Variants in XKR4 observed in about 807,000 individuals in gnomAD.
The protein encoded by XKR4 is XK related 4.
Under a neutral mutation model 53.9 loss-of-function variants are expected in XKR4, and 12 were observed. The ratio of observed to expected loss-of-function variants is 0.22; its 90% CI spans 0.14 to 0.36. The LOEUF (loss-of-function observed/expected upper bound fraction) is 0.36. Among genes scored for constraint, XKR4 ranks in the 10% least tolerant of loss-of-function variants. The pLI is 1.00. For synonymous variants in XKR4, 354 were observed against 362.4 expected, an observed-to-expected ratio of 0.98 and a Z score of 0.26; for missense variants, 799 against 859.5, an observed-to-expected ratio of 0.93 and a Z score of 0.88.
chr8:55,538,516 T>G lies in XKR4; in HGVS notation c.*14289T>G, dbSNP rs962353331. On this transcript the variant is annotated 3_prime_UTR_variant, in exon 3 of 3. Transcript: ENST00000327381. ...TTTCCTTCAAAGGTCTATGTATAATTTTCTTCAATGATTAGCTTTTTAATG... is the reference window on the plus strand; with the variant it reads ...TTTCCTTCAAAGGTCTATGTATAATGTTCTTCAATGATTAGCTTTTTAATG... 1 of 152,334 alleles carries G rather than the reference T, an allele frequency of 6.6e-6. No homozygotes were observed. Among genetic ancestry groups the G allele is most frequent in the Middle Eastern group, 3.4e-3 (1 of 294 alleles). The allele number at this position is 152,334 out of a possible 1,614,324, so 9.4% of individuals were successfully genotyped here. A position where few individuals can be genotyped will look rare whatever the true frequency, so the allele number is the denominator to read the frequency against.
At chr8:55,490,572 T>C (rs1338585953) in intron 2 of XKR4, among the ~76,000 whole-genome samples, 1 of 152,144 alleles carries the variant, frequency 6.6e-6, no homozygotes, top group Non-Finnish European at 1.5e-5. Context: ...GTTGTAACTA[T>C]TAAAACCAGA....
At chr8:55,463,153 C>G (rs185514148) in intron 2 of XKR4, among the ~76,000 whole-genome samples, 1 of 152,122 alleles carries the variant, frequency 6.6e-6, no homozygotes, top group Non-Finnish European at 1.5e-5. Context: ...ACTCTCCACC[C>G]CAAATCAACA....
intron 1 of XKR4, among the ~76,000 whole-genome samples, chr8:55,340,815 A>G (rs1203814827): frequency 6.6e-6 from 1 of 152,188 alleles, no homozygotes; most frequent in Admixed American, 6.5e-5. Flanking sequence ...TGCCTTTTGT[A>G]TAAGGGGTAG....
intron 2 of XKR4, among the ~76,000 whole-genome samples, chr8:55,495,623 C>T (rs1440137775): frequency 6.6e-6 from 1 of 152,232 alleles, no homozygotes; most frequent in Non-Finnish European, 1.5e-5. Context: ...CCTTCCCCCC[C>T]AGGCCCTCCC....
chr8:55,441,782 G>A (rs950574366), intron 2 of XKR4, among the ~76,000 whole-genome samples: 1 of 152,076 alleles, frequency 6.6e-6, no homozygotes, highest in Non-Finnish European at 1.5e-5. Flanking sequence ...AGAGCATAAT[G>A]TAAATTGAAA....
In XKR4 at chr8:55,431,306, ATAAT is replaced by A. The variant is rs371672227; in HGVS notation, c.1006+73431_1006+73434del. Among the ~76,000 whole-genome samples, 8 of 152,342 alleles carry A rather than the reference ATAAT, an allele frequency of 5.3e-5. No homozygotes were observed. In the East Asian group the frequency reaches 1.3e-3, roughly 26 times the overall value. On this transcript the variant is annotated intron_variant, in intron 2 of 2. Transcript: ENST00000327381. ...AAGCTTTTTAGTGATGTTAATAGAC[ATAAT>A]TTATTTAATTCCCAAAACATCATTA...
At chr8:55,414,942 C>G (rs1211747892) in intron 2 of XKR4, among the ~76,000 whole-genome samples, 1 of 152,190 alleles carries the variant, frequency 6.6e-6, no homozygotes, top group Non-Finnish European at 1.5e-5. Flanking sequence ...AGCTCCAGAC[C>G]AGGCCTTTAA....
In XKR4 at chr8:55,528,209, T is replaced by C. The variant is rs1789998320; in HGVS notation, c.*3982T>C. ...AGACCAACACACTTACGAACTTCAG[T>C]TGGAAATACCTAAATATAATTCAGC... On this transcript the variant is annotated 3_prime_UTR_variant, in exon 3 of 3. Transcript: ENST00000327381. The C allele has an allele frequency of 1.3e-5, 2 of 152,214 alleles. No individual in the cohort carries two copies. Among genetic ancestry groups the C allele is most frequent in the Non-Finnish European group, 2.9e-5 (2 of 68,022 alleles). 9.4% of individuals were successfully genotyped at this position (152,214 alleles called of 1,614,324 possible).
chr8:55,218,647 A>G (rs1438926493), intron 1 of XKR4, among the ~76,000 whole-genome samples: 1 of 152,168 alleles, frequency 6.6e-6, no homozygotes, highest in African/African-American at 2.4e-5. Context: ...GTATGGGCCC[A>G]TAGGCCTTGT....
At position 55,118,035 on chromosome 8, in the gene XKR4, C is replaced by T. The variant is rs746230983; in HGVS notation, c.806+14741C>T. Among the ~76,000 whole-genome samples the T allele has an allele frequency of 3.9e-5, 6 of 152,072 alleles. No individual in the cohort carries two copies. In the East Asian group the frequency reaches 5.8e-4, roughly 15 times the overall value. ...GTTCTATGAAAACTGGCACCTAAAC[C>T]GAGAATATCAATTCTTTTTATATAC... On this transcript the variant is annotated intron_variant, in intron 1 of 2. Transcript: ENST00000327381.
intron 1 of XKR4, among the ~76,000 whole-genome samples, chr8:55,109,434 T>G (rs1431992623): frequency 6.6e-6 from 1 of 152,174 alleles, no homozygotes; most frequent in African/African-American, 2.4e-5. Context: ...GTTTATAGAC[T>G]CAGTATCTTC....
At chr8:55,428,209 A>G (rs191884332) in intron 2 of XKR4, among the ~76,000 whole-genome samples, 11 of 152,322 alleles carry the variant, frequency 7.2e-5, no homozygotes, top group Admixed American at 5.2e-4. Flanking sequence ...AAAACTCTGA[A>G]CAGTATAGAG....
chr8:55,266,922 A>T (rs751958929), intron 1 of XKR4, among the ~76,000 whole-genome samples: 1 of 152,198 alleles, frequency 6.6e-6, no homozygotes, highest in Non-Finnish European at 1.5e-5. Context: ...AGTGGCCAAG[A>T]GGCATTACAG....
chr8:55,109,513 T>C (rs1447963595), intron 1 of XKR4, among the ~76,000 whole-genome samples: 1 of 152,180 alleles, frequency 6.6e-6, no homozygotes, highest in Non-Finnish European at 1.5e-5. Flanking sequence ...CTGAGTTAGC[T>C]GACAGGTATA....
At chr8:55,163,209 T>C (rs888067542) in intron 1 of XKR4, among the ~76,000 whole-genome samples, 1 of 152,240 alleles carries the variant, frequency 6.6e-6, no homozygotes, top group Non-Finnish European at 1.5e-5. Flanking sequence ...GCCTCTGATC[T>C]CTGTTAACAT....
At chr8:55,334,066 C>G (rs1194942011) in intron 1 of XKR4, among the ~76,000 whole-genome samples, 1 of 152,038 alleles carries the variant, frequency 6.6e-6, no homozygotes, top group Non-Finnish European at 1.5e-5. Flanking sequence ...TCTGACATCA[C>G]TATACAATTT....
intron 1 of XKR4, among the ~76,000 whole-genome samples, chr8:55,255,352 G>A (rs1486593894): frequency 6.6e-6 from 1 of 152,170 alleles, no homozygotes; most frequent in Non-Finnish European, 1.5e-5. Context: ...GTCAATGAAT[G>A]CAGTATTTTA....
At chr8:55,369,356 G>A (rs1054081629) in intron 2 of XKR4, among the ~76,000 whole-genome samples, 1 of 100,488 alleles carries the variant, frequency 1.0e-5, no homozygotes, top group African/African-American at 4.1e-5. Context: ...AAAGGAAAGG[G>A]AAGGGAAGGG....
At chr8:55,466,045 TA>T (rs1312546091) in intron 2 of XKR4, among the ~76,000 whole-genome samples, 2 of 152,110 alleles carry the variant, frequency 1.3e-5, no homozygotes, top group African/African-American at 4.8e-5. Flanking sequence ...GGTGGGACTG[TA>T]AACTAGTTCA....
Sources: allele counts gnomAD v4.1 joint callset (sites outside exome capture counted in the v4.1 genomes callset), GRCh38; gene constraint gnomAD v4.1.1; transcripts MANE v1.5; gene names NCBI Gene and HGNC (gene_info 2026-07-23, HGNC 2026-07-21).